Variants in SPPL2A observed in about 807,000 individuals in gnomAD.
SPPL2A encodes the protein signal peptide peptidase-like 2A.
A neutral mutation model predicts 63.8 loss-of-function variants in SPPL2A; 51 were observed. The observed-to-expected ratio is 0.80, with a 90% confidence interval of 0.64 to 1.01. The LOEUF is 1.01. Ranked by LOEUF, SPPL2A falls within the 50% of genes least tolerant of loss-of-function variation. The pLI is 0.00. For missense variants in SPPL2A, 553 were observed against 622.7 expected (o/e 0.89, Z 1.19); for synonymous variants, 188 against 205.8 (o/e 0.91, Z 0.74).
chr15:50,740,782 T>C (rs1382848442), intron 5 of SPPL2A, among the ~76,000 whole-genome samples: 2 of 152,106 alleles, frequency 1.3e-5, no homozygotes, highest in Non-Finnish European at 2.9e-5. Context: ...GGCTAATTTT[T>C]TGTATTTTAG....
At chr15:50,726,912 C>G (rs1258453883) in intron 10 of SPPL2A, among the ~76,000 whole-genome samples, 1 of 152,220 alleles carries the variant, frequency 6.6e-6, no homozygotes, top group Non-Finnish European at 1.5e-5. Context: ...AGACCCAACC[C>G]TATAGAATCT....
intron 4 of SPPL2A, 105 bp downstream of exon 4, chr15:50,748,008 G>T: frequency 1.9e-6 from 1 of 523,960 alleles, no homozygotes; most frequent in Non-Finnish European, 3.1e-6. Flanking sequence ...ATAGCTTCTT[G>T]TTAGCAAATG....
At chr15:50,708,885 A>C (rs2062535042) in intron 14 of SPPL2A, among the ~76,000 whole-genome samples, 1 of 151,362 alleles carries the variant, frequency 6.6e-6, no homozygotes, top group Non-Finnish European at 1.5e-5. Context: ...ATACAAAAAA[A>C]AATTAGCCAG....
At chr15:50,728,767 C>T (rs1030695189) in intron 10 of SPPL2A, among the ~76,000 whole-genome samples, 6 of 151,976 alleles carry the variant, frequency 3.9e-5, no homozygotes, top group African/African-American at 1.4e-4. Flanking sequence ...CTCAGTCTCC[C>T]GAGTAGCTGG....
intron 14 of SPPL2A, 63 bp downstream of exon 14, chr15:50,719,877 A>G (rs2062630605): frequency 7.5e-7 from 1 of 1,326,324 alleles, no homozygotes; most frequent in African/African-American, 1.5e-5. Context: ...GGCTGTTCCC[A>G]CCCAAAATCA....
chr15:50,711,584 T>G (rs2062559069), intron 14 of SPPL2A, among the ~76,000 whole-genome samples: 1 of 152,168 alleles, frequency 6.6e-6, no homozygotes, highest in Admixed American at 6.5e-5. Flanking sequence ...CAGTAAGGGC[T>G]GAAAGACTCG....
At chr15:50,739,997 G>A (rs994668943) in intron 5 of SPPL2A, among the ~76,000 whole-genome samples, 169 bp from the exon 6 acceptor site, 1 of 151,980 alleles carries the variant, frequency 6.6e-6, no homozygotes, top group African/African-American at 2.4e-5. Flanking sequence ...AGCAAGTAAT[G>A]TACTTTTTAA....
chr15:50,757,146 G>C (rs977731842), intron 1 of SPPL2A, among the ~76,000 whole-genome samples: 2 of 148,336 alleles, frequency 1.3e-5, no homozygotes, highest in African/African-American at 5.0e-5. Context: ...GCAGTGGTGC[G>C]ATCTCTGCTC....
At chr15:50,736,413 T>C (rs1238776871) in intron 7 of SPPL2A, among the ~76,000 whole-genome samples, 1 of 152,234 alleles carries the variant, frequency 6.6e-6, no homozygotes, top group Non-Finnish European at 1.5e-5. Flanking sequence ...ATATCTGTGC[T>C]GTCCAATATA....
chr15:50,763,582 C>T (rs946460365), intron 1 of SPPL2A, among the ~76,000 whole-genome samples: 2 of 152,148 alleles, frequency 1.3e-5, no homozygotes, highest in African/African-American at 4.8e-5. Flanking sequence ...TGAGGTACAA[C>T]AAAGCACATA....
intron 13 of SPPL2A, among the ~76,000 whole-genome samples, chr15:50,721,568 C>G (rs1378533638): frequency 1.3e-5 from 2 of 151,722 alleles, no homozygotes. Flanking sequence ...GTAGCTGGGA[C>G]CATAGGCATG....
intron 14 of SPPL2A, among the ~76,000 whole-genome samples, chr15:50,715,486 G>A (rs1357379528): frequency 6.6e-6 from 1 of 150,914 alleles, no homozygotes; most frequent in African/African-American, 2.4e-5. Context: ...GAAATGCAAT[G>A]TTAATAACTT....
Position 50,705,674 on chromosome 15 carries a change from A to G in SPPL2A, c.*2126T>C, listed in dbSNP as rs917874347. ...AACGAAAGGACCCATAACTGCATTA[A>G]GCAGAGAGGGACTGACTGTCAATGA... On this transcript the variant is annotated 3_prime_UTR_variant, in exon 15 of 15. Coordinates refer to ENST00000261854, the MANE Select transcript of SPPL2A (RefSeq NM_032802.4). The G allele has an allele frequency of 1.3e-5, 2 of 152,190 alleles. No individual in the cohort carries two copies. Among genetic ancestry groups the G allele is most frequent in the Non-Finnish European group, 2.9e-5 (2 of 68,032 alleles). 9.4% of individuals were successfully genotyped at this position (152,190 alleles called of 1,614,324 possible). A position where few individuals can be genotyped will look rare whatever the true frequency, so the allele number is the denominator to read the frequency against.
chr15:50,742,393 A>G (rs2062829212), intron 5 of SPPL2A, among the ~76,000 whole-genome samples: 3 of 148,630 alleles, frequency 2.0e-5, no homozygotes, highest in Non-Finnish European at 3.0e-5. Context: ...CTCGACTCCA[A>G]AAAAAAAAAA....
At chr15:50,740,225 G>A (rs1017974041) in intron 5 of SPPL2A, among the ~76,000 whole-genome samples, 7 of 151,468 alleles carry the variant, frequency 4.6e-5, no homozygotes, top group Middle Eastern at 3.2e-3. Context: ...TCAGGAGTTC[G>A]AGACCAGCCT....
chr15:50,717,065 T>C (rs934524439), intron 14 of SPPL2A, among the ~76,000 whole-genome samples: 2 of 152,192 alleles, frequency 1.3e-5, no homozygotes, highest in African/African-American at 4.8e-5. Flanking sequence ...CCTCCACCCA[T>C]ACTGACTCCA....
At position 50,736,192 on chromosome 15, in the gene SPPL2A, G is replaced by A. The variant is rs373920809; in HGVS notation, c.841C>T (p.Arg281Cys). ...AGTCTCACTTCCATGTTTTTGCCAC[G>A]ACATGCAATCCTAAAAAACAGATTA... ...IPYGQCTIAC[R>C]GKNMEVRLIF... The change falls in exon 8 of 15, where the codon CGT becomes TGT. Residue 281 changes from arginine to cysteine, a missense_variant. Transcript: ENST00000261854. The A allele has an allele frequency of 9.5e-5, 153 of 1,603,292 alleles. No individual in the cohort carries two copies. In the African/African-American group the frequency reaches 1.7e-3, roughly 18 times the overall value.
rs367644554 is a variant in SPPL2A, at chr15:50,736,089, G to C, written c.932+12C>G. On this transcript the variant is annotated intron_variant, in intron 8 of 14. Coordinates refer to ENST00000261854, the MANE Select transcript of SPPL2A (RefSeq NM_032802.4). ...TCCTTAATCTAAAAGCAAATACATT[G>C]AGTATTCATACCTGTCTTCATTTCG... The C allele has an allele frequency of 3.0e-5, 43 of 1,454,736 alleles. No individual in the cohort carries two copies. The highest frequency in any genetic ancestry group is 3.7e-5 in the Non-Finnish European group (38 of 1,037,348). The allele number at this position is 1,454,736 out of a possible 1,614,324, so 90.1% of individuals were successfully genotyped here. A position where few individuals can be genotyped will look rare whatever the true frequency, so the allele number is the denominator to read the frequency against.
intron 12 of SPPL2A, among the ~76,000 whole-genome samples, chr15:50,724,795 C>CA (rs1174457160): frequency 2.0e-5 from 3 of 152,200 alleles, no homozygotes; most frequent in African/African-American, 7.2e-5. Context: ...CGCAGTCCTA[C>CA]AAGCTGGTGT....
Sources: gnomAD v4.1 joint callset for allele counts (sites outside exome capture counted in the v4.1 genomes callset) on GRCh38, gnomAD v4.1.1 for gene constraint, MANE v1.5 for transcripts, NCBI Gene and HGNC (gene_info 2026-07-23, HGNC 2026-07-21) for gene names.